Variants in CENPW observed in about 807,000 individuals in gnomAD.
The protein encoded by CENPW is cancer-up-regulated gene 2 protein.
CENPW carries 3 observed loss-of-function variants against 11.1 expected under a neutral mutation model. The ratio of observed to expected loss-of-function variants is 0.27; its 90% confidence interval spans 0.12 to 0.70. The LOEUF (loss-of-function observed/expected upper bound fraction) is 0.70. Among genes scored for constraint, CENPW ranks in the 30% least tolerant of loss-of-function variants. The pLI is 0.77. For missense variants in CENPW, 100 were observed against 105.6 expected (o/e 0.95, Z 0.23); for synonymous variants, 38 against 42.0 (o/e 0.91, Z 0.37).
At chr6:126,382,010 G>A in the CENPW span, among the ~76,000 whole-genome samples, 1 of 152,202 alleles carries the variant, frequency 6.6e-6, no homozygotes, top group East Asian at 1.9e-4. Flanking sequence ...AAGGCAGGTG[G>A]ATCACCTGAG....
At chr6:126,437,364 G>A in the CENPW span, among the ~76,000 whole-genome samples, 1 of 151,758 alleles carries the variant, frequency 6.6e-6, no homozygotes, top group Non-Finnish European at 1.5e-5. Flanking sequence ...GCTCATTTTT[G>A]ACTCTGGCCC....
chr6:126,343,069 CAA>C (rs910335957), intron 1 of CENPW, among the ~76,000 whole-genome samples: 6 of 152,122 alleles, frequency 3.9e-5, no homozygotes, highest in Admixed American at 2.0e-4. Context: ...AGTGCTATGA[CAA>C]AGGGAGGAGA....
the CENPW span, among the ~76,000 whole-genome samples, chr6:126,482,395 T>C: frequency 6.6e-6 from 1 of 151,962 alleles, no homozygotes; most frequent in Non-Finnish European, 1.5e-5. Flanking sequence ...TTTCAATCTT[T>C]TATGGTAAGT....
At chr6:126,467,172 C>T in the CENPW span, among the ~76,000 whole-genome samples, 1 of 152,156 alleles carries the variant, frequency 6.6e-6, no homozygotes, top group East Asian at 1.9e-4. Flanking sequence ...CATAAAGGAG[C>T]CCAAATAGCC....
the CENPW span, among the ~76,000 whole-genome samples, chr6:126,469,867 A>G: frequency 6.6e-6 from 1 of 152,212 alleles, no homozygotes; most frequent in Non-Finnish European, 1.5e-5. Context: ...GAAATGTCTA[A>G]GCAGCAAAGC....
the CENPW span, among the ~76,000 whole-genome samples, chr6:126,380,791 C>T: frequency 2.0e-4 from 31 of 152,218 alleles, no homozygotes; most frequent in Middle Eastern, 3.4e-3. Flanking sequence ...TAAAGTTTGT[C>T]AAATTTATTT....
At chr6:126,387,208 T>A in the CENPW span, among the ~76,000 whole-genome samples, 33 of 152,070 alleles carry the variant, frequency 2.2e-4, no homozygotes, top group African/African-American at 7.5e-4. Flanking sequence ...ATTGTTATTG[T>A]TATTATAATC....
chr6:126,395,594 T>C, the CENPW span, among the ~76,000 whole-genome samples: 1 of 152,310 alleles, frequency 6.6e-6, no homozygotes, highest in East Asian at 1.9e-4. Flanking sequence ...GTTCTGAGGC[T>C]TGCAGATTTT....
chr6:126,473,701 C>G, the CENPW span, among the ~76,000 whole-genome samples: 6 of 151,832 alleles, frequency 4.0e-5, no homozygotes, highest in Non-Finnish European at 8.8e-5. Context: ...CCACCACACT[C>G]CAGTCTGGAC....
At chr6:126,354,642 C>G in the CENPW span, among the ~76,000 whole-genome samples, 2 of 152,058 alleles carry the variant, frequency 1.3e-5, no homozygotes, top group Non-Finnish European at 2.9e-5. Flanking sequence ...GTCTCAACCT[C>G]CATTTGCCTA....
intron 1 of CENPW, among the ~76,000 whole-genome samples, chr6:126,343,627 G>A (rs1206611879): frequency 6.6e-6 from 1 of 152,204 alleles, no homozygotes; most frequent in Non-Finnish European, 1.5e-5. Flanking sequence ...CAAATTAGTG[G>A]TGTAAGTCTA....
the CENPW span, among the ~76,000 whole-genome samples, chr6:126,400,517 C>G: frequency 6.6e-6 from 1 of 151,926 alleles, no homozygotes; most frequent in Non-Finnish European, 1.5e-5. Flanking sequence ...AGTGACATCA[C>G]ATTTTTGGTA....
At chr6:126,421,582 CTTTTT>C in the CENPW span, among the ~76,000 whole-genome samples, 1 of 143,548 alleles carries the variant, frequency 7.0e-6, no homozygotes. Flanking sequence ...CTAACACTTT[CTTTTT>C]TTTTTTTTTT....
At chr6:126,452,905 T>C in the CENPW span, among the ~76,000 whole-genome samples, 2 of 151,160 alleles carry the variant, frequency 1.3e-5, no homozygotes, top group East Asian at 2.0e-4. Flanking sequence ...CCATTACTTA[T>C]AGAGGAACAA....
At chr6:126,415,309 C>T in the CENPW span, among the ~76,000 whole-genome samples, 1 of 151,956 alleles carries the variant, frequency 6.6e-6, no homozygotes, top group East Asian at 1.9e-4. Context: ...AGATTATAAC[C>T]TTACAAAAGC....
At chr6:126,435,872 T>C in the CENPW span, among the ~76,000 whole-genome samples, 2 of 151,878 alleles carry the variant, frequency 1.3e-5, no homozygotes, top group Non-Finnish European at 2.9e-5. Flanking sequence ...TTTTGAAAAG[T>C]ATGCTATCAA....
At chr6:126,432,066 CAAAAA>C in the CENPW span, among the ~76,000 whole-genome samples, 2 of 36,560 alleles carry the variant, frequency 5.5e-5, no homozygotes, top group Non-Finnish European at 1.1e-4. Flanking sequence ...CTCCATCTCA[CAAAAA>C]AAAAAAAAAA....
the CENPW span, among the ~76,000 whole-genome samples, chr6:126,459,147 A>T: frequency 1.3e-5 from 2 of 151,262 alleles, no homozygotes; most frequent in South Asian, 4.2e-4. Context: ...TCTGATTTTC[A>T]TTGATCCAAT....
chr6:126,364,531 G>C, the CENPW span, among the ~76,000 whole-genome samples: 1 of 152,012 alleles, frequency 6.6e-6, no homozygotes, highest in Non-Finnish European at 1.5e-5. Flanking sequence ...GTGTTCACTA[G>C]CTCTTCCTCT....
Sources: gnomAD v4.1 joint callset for allele counts (sites outside exome capture counted in the v4.1 genomes callset) on GRCh38, gnomAD v4.1.1 for gene constraint, MANE v1.5 for transcripts, NCBI Gene and HGNC (gene_info 2026-07-23, HGNC 2026-07-21) for gene names.